Variants in MAST2 observed in about 807,000 individuals in gnomAD.
The protein encoded by MAST2 is microtubule-associated serine/threonine-protein kinase 2.
Under a neutral mutation model 147.4 loss-of-function variants are expected in MAST2, and 70 were observed. The observed-to-expected ratio is 0.47, with a 90% CI of 0.39 to 0.58. The LOEUF (loss-of-function observed/expected upper bound fraction) is 0.58, where lower values mean the gene tolerates loss of function less well. MAST2 is among the 20% of genes least tolerant of loss of function. MAST2 has a pLI of 0.00. For missense variants in MAST2, 2,080 were observed against 2,302.3 expected (o/e 0.90, Z 1.98); for synonymous variants, 869 against 896.8 (o/e 0.97, Z 0.55).
intron 4 of MAST2, among the ~76,000 whole-genome samples, chr1:45,939,829 C>T (rs559683835): frequency 2.6e-5 from 4 of 152,090 alleles, no homozygotes; most frequent in East Asian, 1.9e-4. Flanking sequence ...TGTGAGCCAC[C>T]GTGCCTGGCC....
chr1:45,875,262 A>G (rs1294582183), intron 3 of MAST2, among the ~76,000 whole-genome samples: 2 of 152,160 alleles, frequency 1.3e-5, no homozygotes, highest in Non-Finnish European at 2.9e-5. Flanking sequence ...CCTTACCAAC[A>G]TGGGGAAACC....
chr1:45,989,148 A>G (rs1571093123), intron 5 of MAST2, among the ~76,000 whole-genome samples: 1 of 152,170 alleles, frequency 6.6e-6, no homozygotes, highest in African/African-American at 2.4e-5. Flanking sequence ...TTTATATTAA[A>G]CATGAATTCT....
chr1:45,972,351 T>C (rs1643947141), intron 5 of MAST2, among the ~76,000 whole-genome samples: 1 of 152,214 alleles, frequency 6.6e-6, no homozygotes, highest in Admixed American at 6.5e-5. Flanking sequence ...CCACACACAC[T>C]TAAGCAATAC....
intron 5 of MAST2, among the ~76,000 whole-genome samples, chr1:45,966,828 A>G (rs1393505177): frequency 1.3e-5 from 2 of 149,456 alleles, no homozygotes; most frequent in East Asian, 3.9e-4. Flanking sequence ...TATCCTTGCC[A>G]GCATTTGGTG....
chr1:46,016,004 T>G (rs969396552), intron 10 of MAST2, among the ~76,000 whole-genome samples: 1 of 152,200 alleles, frequency 6.6e-6, no homozygotes, highest in Non-Finnish European at 1.5e-5. Flanking sequence ...ATCCCTGGGA[T>G]GCAAGGCTGG....
At chr1:45,835,270 A>C (rs776754989) in intron 3 of MAST2, among the ~76,000 whole-genome samples, 1 of 152,148 alleles carries the variant, frequency 6.6e-6, no homozygotes, top group Non-Finnish European at 1.5e-5. Flanking sequence ...AGTTATCAGG[A>C]AAGTAAGACT....
chr1:45,871,136 T>G (rs1339100949), intron 3 of MAST2, among the ~76,000 whole-genome samples: 1 of 151,952 alleles, frequency 6.6e-6, no homozygotes, highest in African/African-American at 2.4e-5. Context: ...TGTACATTTA[T>G]TATGATTAAT....
chr1:45,958,715 A>G (rs187341234), intron 4 of MAST2, among the ~76,000 whole-genome samples: 100 of 152,306 alleles, frequency 6.6e-4, no homozygotes, highest in Middle Eastern at 3.4e-3. Context: ...TTGGATGAAT[A>G]TAAATGGCAA....
Position 46,031,338 on chromosome 1 carries a change from G to C in MAST2, c.2992+48G>C. The C allele has an allele frequency of 6.4e-7, 1 of 1,573,398 alleles. No homozygotes were observed. Among genetic ancestry groups the C allele is most frequent in the Non-Finnish European group, 8.7e-7 (1 of 1,155,880 alleles). The stretch of plus-strand genomic sequence containing the variant: ...ACGACCTAAGCTGGAGGATACTGCA[G>C]GGCAGGGAGGCTCAGCGGCATCGCG... On this transcript the variant is annotated intron_variant, in intron 23 of 28. Transcript: ENST00000361297. The surrounding 1 kb of genome is among the most constrained non-coding windows in gnomAD (Gnocchi z 4.1).
chr1:45,965,025 G>A (rs1660968508), intron 5 of MAST2, among the ~76,000 whole-genome samples: 2 of 152,156 alleles, frequency 1.3e-5, no homozygotes, highest in Non-Finnish European at 2.9e-5. Context: ...GTAGTTGGGC[G>A]ATTTTGAGTG....
In MAST2 at chr1:45,987,759, CTTGTTTTTTTTTTTTTGATTTTTTTT is replaced by C. The variant is rs1418417970; in HGVS notation, c.593-9962_593-9937del. Reference sequence around the variant, plus strand: ...CTTAAGGTAGAAAGTGAGAGCATTTCTTGTTTTTTTTTTTTTGATTTTTTTTTTTTTTTTTTTTTTTTGGTTTGGTG... The same window carrying C: ...CTTAAGGTAGAAAGTGAGAGCATTTCTTTTTTTTTTTTTTTTGGTTTGGTG... On this transcript the variant is annotated intron_variant, in intron 5 of 28. Transcript: ENST00000361297. Among the ~76,000 whole-genome samples the C allele has an allele frequency of 2.3e-4, 4 of 17,418 alleles. No individual in the cohort carries two copies. The East Asian group carries it at 3.6e-3, about 16-fold the overall frequency. 11.4% of individuals were successfully genotyped at this position (17,418 alleles called of 152,430 possible).
chr1:45,842,504 C>A (rs1645309066), intron 3 of MAST2, among the ~76,000 whole-genome samples: 1 of 152,082 alleles, frequency 6.6e-6, no homozygotes, highest in Non-Finnish European at 1.5e-5. Context: ...TGCATTTTGT[C>A]TCTATGGATT....
rs200095545 is a variant in MAST2, at chr1:46,031,086, T to C, written c.2788T>C (p.Cys930Arg). The C allele has an allele frequency of 4.3e-6, 7 of 1,613,304 alleles. No individual in the cohort carries two copies. In the East Asian group the frequency reaches 8.9e-5, roughly 21 times the overall value. The change falls in exon 23 of 29, where the codon TGC becomes CGC. Residue 930 changes from cysteine (C) to arginine (R), a missense_variant. Transcript: ENST00000361297. This position sits in a 1 kb window ranked among gnomAD's most constrained non-coding sequence, Gnocchi z 4.1. Reference protein sequence around the residue: ...SSPPMTVRRRCSGLLDAPRFP... With the variant: ...SSPPMTVRRRRSGLLDAPRFP... Reference sequence around the variant, plus strand: ...CCCTCCAATGACAGTGCGACGCCGCTGCTCAGGCCTCCTGGATGCGCCTCG... The same window carrying C: ...CCCTCCAATGACAGTGCGACGCCGCCGCTCAGGCCTCCTGGATGCGCCTCG...
chr1:45,894,424 TA>T (rs1364536169), intron 4 of MAST2, among the ~76,000 whole-genome samples: 1 of 152,170 alleles, frequency 6.6e-6, no homozygotes, highest in African/African-American at 2.4e-5. Flanking sequence ...AACACAATTT[TA>T]AATAACTGTA....
At chr1:45,947,828 T>G (rs1423088036) in intron 4 of MAST2, among the ~76,000 whole-genome samples, 2 of 152,226 alleles carry the variant, frequency 1.3e-5, no homozygotes, top group African/African-American at 4.8e-5. Context: ...GCTATTCTTC[T>G]GCCTCAGCCT....
intron 3 of MAST2, among the ~76,000 whole-genome samples, chr1:45,833,399 C>CTTT (rs386366878): frequency 1.3e-5 from 2 of 151,148 alleles, no homozygotes; most frequent in Non-Finnish European, 2.9e-5. Flanking sequence ...TCTTCTTCTT[C>CTTT]TTAAAAAAAA....
chr1:45,940,712 C>T (rs994725669), intron 4 of MAST2, among the ~76,000 whole-genome samples: 12 of 151,710 alleles, frequency 7.9e-5, no homozygotes, highest in African/African-American at 2.4e-4. Flanking sequence ...CTCCGCCACC[C>T]GGGTTCACGC....
At chr1:45,815,550 A>C (rs1644426434) in intron 1 of MAST2, among the ~76,000 whole-genome samples, 1 of 152,026 alleles carries the variant, frequency 6.6e-6, no homozygotes, top group African/African-American at 2.4e-5. Context: ...TTTTTTTTAA[A>C]GTCCTTAAGT....
chr1:45,868,937 C>A (rs1242544163), intron 3 of MAST2, among the ~76,000 whole-genome samples: 1 of 152,152 alleles, frequency 6.6e-6, no homozygotes, highest in Non-Finnish European at 1.5e-5. Context: ...TTGTACTCTT[C>A]AGTTTTTAGT....
Sources: gnomAD v4.1 joint callset for allele counts (sites outside exome capture counted in the v4.1 genomes callset) on GRCh38, gnomAD v4.1.1 for gene constraint, Gnocchi (gnomAD v3.1) non-coding constraint, MANE v1.5 for transcripts, NCBI Gene and HGNC (gene_info 2026-07-23, HGNC 2026-07-21) for gene names.